The following CSMD3 variants were observed in gnomAD, a reference collection of about 807,000 sequenced individuals.
The protein encoded by CSMD3 is CUB and Sushi multiple domains 3.
Under a neutral mutation model 435.2 loss-of-function variants are expected in CSMD3, and 177 were observed. That is an observed-to-expected ratio of 0.41 (90% CI 0.36 to 0.46). CSMD3 has a LOEUF of 0.46. Ranked by LOEUF, CSMD3 falls within the 20% of genes least tolerant of loss-of-function variation. The pLI, the probability that CSMD3 is intolerant of heterozygous loss-of-function variation, is 0.34. For synonymous variants in CSMD3, 1,656 were observed against 1,520.5 expected (o/e 1.09, Z -2.07); for missense variants, 4,265 against 4,504.6 (o/e 0.95, Z 1.52).
At chr8:112,621,494 C>T (rs1045527029) in intron 22 of CSMD3, among the ~76,000 whole-genome samples, 9 of 152,032 alleles carry the variant, frequency 5.9e-5, no homozygotes, top group Admixed American at 5.9e-4. Flanking sequence ...CTGCAATTCT[C>T]CTCCCATTTT....
rs143359392 is a variant in CSMD3, at chr8:112,966,061, G to A, written c.1342+9776C>T. On this transcript the variant is annotated intron_variant, in intron 7 of 70. Coordinates refer to ENST00000297405, the MANE Select transcript of CSMD3 (RefSeq NM_198123.2). ...AAAAAGTAAACAAAAAGTATGGCAG[G>A]ATATTGATAAAGCATACAATGATCA... Among the ~76,000 whole-genome samples, 1,009 of 151,650 alleles carry A rather than the reference G, an allele frequency of 6.7e-3. 12 individuals are homozygous for A. The highest frequency in any genetic ancestry group is 0.023 in the African/African-American group (967 of 41,442).
chr8:113,049,134 G>T (rs541922569), intron 5 of CSMD3, among the ~76,000 whole-genome samples: 2 of 152,246 alleles, frequency 1.3e-5, no homozygotes, highest in Admixed American at 6.5e-5. Context: ...AGCTACTTAG[G>T]AGGGTGAGGC....
chr8:113,370,567 T>A (rs1234032978), intron 1 of CSMD3, among the ~76,000 whole-genome samples: 1 of 152,010 alleles, frequency 6.6e-6, no homozygotes, highest in Admixed American at 6.5e-5. Flanking sequence ...AACACATTCA[T>A]CCTATCTTTC....
At chr8:112,954,887 G>A in intron 7 of CSMD3, 126 bp from the exon 8 acceptor site, 1 of 641,502 alleles carries the variant, frequency 1.6e-6, no homozygotes, top group Non-Finnish European at 2.8e-6. Context: ...GCCTGATATA[G>A]TACCCAGAAG....
intron 3 of CSMD3, among the ~76,000 whole-genome samples, chr8:113,250,420 A>G (rs375322387): frequency 1.3e-5 from 2 of 152,092 alleles, no homozygotes; most frequent in Non-Finnish European, 2.9e-5. Context: ...AAAAACAATA[A>G]TTTCACACTA....
At chr8:112,859,337 C>A in intron 10 of CSMD3, 71 bp from the exon 11 acceptor site, 1 of 1,269,744 alleles carries the variant, frequency 7.9e-7, no homozygotes, top group Non-Finnish European at 1.1e-6. Flanking sequence ...AAATATCTTG[C>A]AAATAGACTT....
intron 13 of CSMD3, among the ~76,000 whole-genome samples, chr8:112,755,164 T>C (rs2077661283): frequency 6.6e-6 from 1 of 151,782 alleles, no homozygotes; most frequent in Admixed American, 6.6e-5. Flanking sequence ...ACCCTGTCTC[T>C]ACTAAAAATA....
chr8:112,716,749 C>A (rs2076738385), intron 13 of CSMD3, among the ~76,000 whole-genome samples: 1 of 152,074 alleles, frequency 6.6e-6, no homozygotes. Flanking sequence ...TGGAACAGAA[C>A]AGAGACTTCA....
chr8:112,548,938 A>T (rs1477568698), intron 27 of CSMD3, among the ~76,000 whole-genome samples: 1 of 152,090 alleles, frequency 6.6e-6, no homozygotes, highest in Non-Finnish European at 1.5e-5. Flanking sequence ...GTGCCCTACA[A>T]ATATAATAAA....
intron 22 of CSMD3, among the ~76,000 whole-genome samples, chr8:112,594,707 C>A (rs1019774838): frequency 2.6e-5 from 4 of 152,218 alleles, no homozygotes; most frequent in Non-Finnish European, 5.9e-5. Context: ...TCCCTAACCC[C>A]TGACCCCCCG....
chr8:112,761,694 A>G (rs1394248316), intron 13 of CSMD3, among the ~76,000 whole-genome samples: 1 of 152,016 alleles, frequency 6.6e-6, no homozygotes, highest in African/African-American at 2.4e-5. Context: ...TTTATTTTGC[A>G]TCTCCATCAG....
chr8:112,301,398 T>C (rs1438138794), intron 53 of CSMD3, among the ~76,000 whole-genome samples: 1 of 152,120 alleles, frequency 6.6e-6, no homozygotes, highest in Non-Finnish European at 1.5e-5. Context: ...GGTACTTAAA[T>C]ACACACATTA....
At chr8:112,833,009 C>G (rs2079921009) in intron 11 of CSMD3, among the ~76,000 whole-genome samples, 1 of 151,992 alleles carries the variant, frequency 6.6e-6, no homozygotes. Context: ...ATCTTGTTCT[C>G]TTGGTAAGTT....
intron 12 of CSMD3, among the ~76,000 whole-genome samples, chr8:112,809,674 C>T (rs911646307): frequency 1.3e-5 from 2 of 152,048 alleles, no homozygotes; most frequent in Non-Finnish European, 2.9e-5. Context: ...ATTGGACTCC[C>T]AGTGATTAAG....
intron 32 of CSMD3, among the ~76,000 whole-genome samples, chr8:112,463,016 T>C (rs1050475676): frequency 6.6e-6 from 1 of 152,158 alleles, no homozygotes; most frequent in Admixed American, 6.5e-5. Context: ...ATTTTGTGAG[T>C]AACACGGCTT....
intron 19 of CSMD3, 90 bp from the exon 20 acceptor site, chr8:112,645,315 C>A (rs996828469): frequency 8.8e-6 from 7 of 798,874 alleles, no homozygotes; most frequent in South Asian, 4.1e-5. Context: ...ATTGAGCAGT[C>A]GCATTATCTT....
intron 27 of CSMD3, among the ~76,000 whole-genome samples, chr8:112,523,316 C>G (rs1407623393): frequency 6.6e-6 from 1 of 151,902 alleles, no homozygotes; most frequent in Non-Finnish European, 1.5e-5. Flanking sequence ...TATTTAGAAT[C>G]AGACAAAATA....
At chr8:112,349,718 G>A (rs1171988455) in intron 40 of CSMD3, among the ~76,000 whole-genome samples, 1 of 151,078 alleles carries the variant, frequency 6.6e-6, no homozygotes, top group Non-Finnish European at 1.5e-5. Flanking sequence ...ATTAATCATA[G>A]TACCTTAAAA....
intron 13 of CSMD3, among the ~76,000 whole-genome samples, chr8:112,775,784 G>A (rs980610153): frequency 4.8e-4 from 73 of 151,902 alleles, no homozygotes; most frequent in African/African-American, 1.7e-3. Flanking sequence ...CACCCATTGT[G>A]TGTTTTAACT....
Sources: gnomAD v4.1 joint callset for allele counts (sites outside exome capture counted in the v4.1 genomes callset) on GRCh38, gnomAD v4.1.1 for gene constraint, MANE v1.5 for transcripts, NCBI Gene and HGNC (gene_info 2026-07-23, HGNC 2026-07-21) for gene names.